Variants in RALGAPA2 observed in about 807,000 individuals in gnomAD.
RALGAPA2 encodes ral GTPase-activating protein subunit alpha-2.
Under a neutral mutation model 230.4 loss-of-function variants are expected in RALGAPA2, and 139 were observed. The ratio of observed to expected loss-of-function variants is 0.60; its 90% CI spans 0.53 to 0.69. The LOEUF (loss-of-function observed/expected upper bound fraction) is 0.69, where lower values mean the gene tolerates loss of function less well. Ranked by LOEUF, RALGAPA2 falls within the 30% of genes least tolerant of loss-of-function variation. The pLI, the probability that RALGAPA2 is intolerant of heterozygous loss-of-function variation, is 0.00. For synonymous variants in RALGAPA2, 847 were observed against 837.8 expected, an observed-to-expected ratio of 1.01 and a Z score of -0.19; for missense variants, 2,163 against 2,276.0, an observed-to-expected ratio of 0.95 and a Z score of 1.01.
At chr20:20,520,241 T>TTG (rs34426196) in intron 31 of RALGAPA2, among the ~76,000 whole-genome samples, 3,695 of 151,284 alleles carry the variant, frequency 0.024, 76 homozygotes, top group South Asian at 0.061. Flanking sequence ...ATGCATGCAT[T>TTG]TGTGTGTGTG....
At chr20:20,521,467 A>G (rs986794023) in intron 30 of RALGAPA2, among the ~76,000 whole-genome samples, 2 of 152,144 alleles carry the variant, frequency 1.3e-5, no homozygotes, top group Non-Finnish European at 2.9e-5. Context: ...TGGAATGAGC[A>G]CAACAAGCAG....
At chr20:20,711,954 T>C (rs2069890358) in intron 1 of RALGAPA2, among the ~76,000 whole-genome samples, 1 of 151,968 alleles carries the variant, frequency 6.6e-6, no homozygotes, top group African/African-American at 2.4e-5. Context: ...TGTGCTGGGT[T>C]CACTTGGGGT....
intron 23 of RALGAPA2, among the ~76,000 whole-genome samples, chr20:20,563,622 G>A (rs1214962034): frequency 6.6e-6 from 1 of 152,130 alleles, no homozygotes; most frequent in Non-Finnish European, 1.5e-5. Context: ...GTGAGGAAGG[G>A]TCATCAAGAC....
In RALGAPA2 at chr20:20,391,048, A is replaced by G. The variant is rs559679125; in HGVS notation, c.*2241T>C. ...TTCAATACGATTTCTAAATCCTGAC[A>G]TATCTTTTCTACTAAAGCCAGCAAT... On this transcript the variant is annotated 3_prime_UTR_variant, in exon 40 of 40. Coordinates refer to ENST00000202677, the MANE Select transcript of RALGAPA2 (RefSeq NM_020343.4). 4.7e-4 allele frequency: 72 copies of G among 152,364 alleles called. No individual in the cohort carries two copies. Among genetic ancestry groups the G allele is most frequent in the African/African-American group, 1.3e-3 (53 of 41,580 alleles). 9.4% of individuals were successfully genotyped at this position (152,364 alleles called of 1,614,324 possible).
chr20:20,495,331 G>A (rs903064956), intron 35 of RALGAPA2, 56 bp from the exon 36 acceptor site: 2 of 1,341,590 alleles, frequency 1.5e-6, no homozygotes, highest in African/African-American at 1.5e-5. Flanking sequence ...GTTTATGAGG[G>A]GTCATGGCTT....
chr20:20,683,371 C>A (rs913793102), intron 1 of RALGAPA2, among the ~76,000 whole-genome samples: 1 of 152,186 alleles, frequency 6.6e-6, no homozygotes, highest in Non-Finnish European at 1.5e-5. Flanking sequence ...AACCTTCCAT[C>A]TGCCTCCAGT....
At chr20:20,493,219 G>A (rs938592368) in intron 36 of RALGAPA2, among the ~76,000 whole-genome samples, 3 of 152,118 alleles carry the variant, frequency 2.0e-5, no homozygotes, top group African/African-American at 7.2e-5. Flanking sequence ...GTCAGTGGTT[G>A]GTGAACAAAA....
chr20:20,545,994 A>G (rs1447872501), intron 24 of RALGAPA2, among the ~76,000 whole-genome samples: 1 of 152,172 alleles, frequency 6.6e-6, no homozygotes. Context: ...TGAGCTCAGG[A>G]GTTTGAGGTT....
intron 1 of RALGAPA2, among the ~76,000 whole-genome samples, chr20:20,710,365 G>C (rs1166446437): frequency 1.3e-5 from 2 of 152,164 alleles, no homozygotes; most frequent in South Asian, 2.1e-4. Context: ...TAGAATATGT[G>C]ATTAGGTAGG....
rs2062747133 is a variant in RALGAPA2, at chr20:20,512,635, A to T, written c.4734T>A (p.His1578Gln). 3 of 1,613,978 alleles carry T rather than the reference A, an allele frequency of 1.9e-6. No homozygotes were observed. Among genetic ancestry groups the T allele is most frequent in the Non-Finnish European group, 2.5e-6 (3 of 1,179,884 alleles). ...NAQEDEYIQS[H>Q]NFDSAMKVTS... Reference sequence around the variant, plus strand: ...TGACTTTCATTGCAGAATCGAAGTTATGACTCTGGATATACTCATCCTCTT... The same window carrying T: ...TGACTTTCATTGCAGAATCGAAGTTTTGACTCTGGATATACTCATCCTCTT... Residue 1578 changes from histidine to glutamine, a missense_variant, in exon 32 of 40, where the codon CAT becomes CAA. Physicochemically the swap from His to Gln is conservative, Grantham distance 24 (BLOSUM62 0). Transcript: ENST00000202677.
At position 20,502,345 on chromosome 20, in the gene RALGAPA2, G is replaced by A. The variant is rs116461869; in HGVS notation, c.5208+1006C>T. Among the ~76,000 whole-genome samples the A allele has an allele frequency of 2.1e-3, 318 of 152,270 alleles. 1 individual carries two copies. Among genetic ancestry groups the A allele is most frequent in the African/African-American group, 4.2e-3 (173 of 41,552 alleles). Reference sequence around the variant, plus strand: ...GGCCAATATAAAGCATCTGGCTAACGGGGCAGGGGGAAAAAAAGAATCAAT... The same window carrying A: ...GGCCAATATAAAGCATCTGGCTAACAGGGCAGGGGGAAAAAAAGAATCAAT... On this transcript the variant is annotated intron_variant, in intron 35 of 39. Coordinates refer to ENST00000202677, the MANE Select transcript of RALGAPA2 (RefSeq NM_020343.4).
At chr20:20,574,655 TCAACAGAGG>T (rs2064762736) in intron 20 of RALGAPA2, among the ~76,000 whole-genome samples, 1 of 152,200 alleles carries the variant, frequency 6.6e-6, no homozygotes, top group Non-Finnish European at 1.5e-5. Flanking sequence ...TATGTAATAA[TCAACAGAGG>T]CAAGCATTTT....
At chr20:20,440,180 T>C (rs1334537915) in intron 37 of RALGAPA2, among the ~76,000 whole-genome samples, 2 of 152,132 alleles carry the variant, frequency 1.3e-5, no homozygotes, top group South Asian at 2.1e-4. Flanking sequence ...TAGGGCTTTA[T>C]AAAGGAAGAT....
At chr20:20,563,813 T>C (rs1038228257) in intron 23 of RALGAPA2, among the ~76,000 whole-genome samples, 1 of 151,958 alleles carries the variant, frequency 6.6e-6, no homozygotes, top group Non-Finnish European at 1.5e-5. Flanking sequence ...AACATATTTC[T>C]CACACACAGA....
intron 38 of RALGAPA2, among the ~76,000 whole-genome samples, chr20:20,401,136 A>G (rs2059825908): frequency 6.6e-6 from 1 of 152,200 alleles, no homozygotes; most frequent in African/African-American, 2.4e-5. Context: ...TAGACCAAAA[A>G]CATCGACTTG....
chr20:20,551,056 C>T (rs1011410871), intron 23 of RALGAPA2, among the ~76,000 whole-genome samples: 1 of 152,140 alleles, frequency 6.6e-6, no homozygotes, highest in Non-Finnish European at 1.5e-5. Flanking sequence ...AAGCAACACC[C>T]TTAACAAAGC....
At chr20:20,519,099 T>C (rs2062959898) in intron 31 of RALGAPA2, among the ~76,000 whole-genome samples, 1 of 152,116 alleles carries the variant, frequency 6.6e-6, no homozygotes, top group Admixed American at 6.5e-5. Context: ...AACAAGAGTG[T>C]TAAGTCTACT....
At chr20:20,669,699 G>A (rs543717415) in intron 3 of RALGAPA2, among the ~76,000 whole-genome samples, 4 of 152,118 alleles carry the variant, frequency 2.6e-5, no homozygotes, top group Non-Finnish European at 4.4e-5. Context: ...TCCTCTTTGC[G>A]TACTGATTTT....
At chr20:20,531,899 C>T in intron 26 of RALGAPA2, 104 bp from the exon 27 acceptor site, 1 of 958,766 alleles carries the variant, frequency 1.0e-6, no homozygotes, top group Non-Finnish European at 1.6e-6. Flanking sequence ...TACAAAATAG[C>T]AAATATTATA....
Sources: allele counts gnomAD v4.1 joint callset (sites outside exome capture counted in the v4.1 genomes callset), GRCh38; gene constraint gnomAD v4.1.1; transcripts MANE v1.5; gene names NCBI Gene and HGNC (gene_info 2026-07-23, HGNC 2026-07-21).